FAT3: variants seen among roughly 807,000 people sequenced by gnomAD.
FAT3 encodes FAT atypical cadherin 3, also known as protocadherin Fat 3.
In FAT3, 95 loss-of-function variants were observed where a neutral mutation model predicts 310.2. That is an observed-to-expected ratio of 0.31 (90% CI 0.26 to 0.36). The LOEUF is 0.36. FAT3 is among the 10% of genes least tolerant of loss of function. The pLI is 1.00. For synonymous variants in FAT3, 2,314 were observed against 2,192.9 expected (o/e 1.06, Z -1.54); for missense variants, 5,408 against 5,715.6 (o/e 0.95, Z 1.74).
chr11:92,633,105 C>CTATGACA (rs1467454120), intron 3 of FAT3, among the ~76,000 whole-genome samples: 1 of 152,154 alleles, frequency 6.6e-6, no homozygotes, highest in Non-Finnish European at 1.5e-5. Context: ...CTCTAATGCT[C>CTATGACA]TATGACATAG....
chr11:92,784,337 A>G (rs758071297), intron 7 of FAT3, among the ~76,000 whole-genome samples: 6 of 152,268 alleles, frequency 3.9e-5, no homozygotes, highest in Non-Finnish European at 5.9e-5. Flanking sequence ...TGAAATCACA[A>G]CTATAGAATG....
intron 6 of FAT3, among the ~76,000 whole-genome samples, chr11:92,765,323 G>A (rs375948189): frequency 6.6e-6 from 1 of 152,126 alleles, no homozygotes; most frequent in Admixed American, 6.5e-5. Context: ...TCCATAGTAC[G>A]TTATTTACTG....
chr11:92,372,723 C>T (rs957279611), intron 2 of FAT3, among the ~76,000 whole-genome samples: 5 of 151,954 alleles, frequency 3.3e-5, no homozygotes, highest in Non-Finnish European at 5.9e-5. Flanking sequence ...TGCAGTGGCG[C>T]GATCTCGGCT....
rs1414738206 is a variant in FAT3 at position 92,887,012 on chromosome 11, AT to A, written c.12951del (p.Asp4317GlufsTer6). ...ACTGTCCATGAAGACAAAGGGGTTG[AT>A]GACCCGGGAGAAGTGACCTGCTTTG... is the stretch of plus-strand genomic sequence containing the variant. ...WDAGTENKGV[D>X]DPGEVTCFAG... On this transcript the variant is annotated frameshift_variant, in exon 25 of 28. Transcript: ENST00000525166. LOFTEE classifies it high-confidence loss of function. The A allele has an allele frequency of 6.2e-7, 1 of 1,605,296 alleles. No individual in the cohort carries two copies. Among genetic ancestry groups the A allele is most frequent in the East Asian group, 2.2e-5 (1 of 44,782 alleles).
intron 1 of FAT3, among the ~76,000 whole-genome samples, chr11:92,259,327 A>C (rs1193343334): frequency 6.6e-6 from 1 of 152,068 alleles, no homozygotes; most frequent in Non-Finnish European, 1.5e-5. Context: ...AAGCGGAAAA[A>C]CACAATTTAA....
chr11:92,445,689 T>G (rs908366458), intron 2 of FAT3, among the ~76,000 whole-genome samples: 8 of 152,172 alleles, frequency 5.3e-5, no homozygotes, highest in African/African-American at 1.9e-4. Context: ...GTATGCATTG[T>G]CTTCAACAAG....
chr11:92,288,796 C>A (rs2134387090), intron 1 of FAT3, among the ~76,000 whole-genome samples: 1 of 152,274 alleles, frequency 6.6e-6, no homozygotes, highest in South Asian at 2.1e-4. Context: ...ATTCAAAAAA[C>A]ATTGCTAAAA....
chr11:92,805,164 C>G lies in FAT3; in HGVS notation c.8908C>G (p.Arg2970Gly), dbSNP rs563792009. The G allele has an allele frequency of 1.9e-6, 3 of 1,609,564 alleles. No individual in the cohort carries two copies. Among genetic ancestry groups the G allele is most frequent in the African/African-American group, 1.3e-5 (1 of 74,894 alleles). The change falls in exon 11 of 28, where the codon CGA (arginine) becomes GGA (glycine). Residue 2970 changes from arginine (R) to glycine (G), a missense_variant. Around this residue, in one of 5 missense-constraint regions of FAT3, gnomAD observed 4,588 missense variants for 4,809.8 expected, o/e 0.95. Coordinates refer to ENST00000525166, the MANE Select transcript of FAT3 (RefSeq NM_001367949.2). ...TTTTTTAACTGCAGGAGGAAACCCT[C>G]GAGGAAGGTTTGCTCTGGGCCTGGT... ...VSYHITGGNP[R>G]GRFALGLVQS... is the part of the protein sequence containing the mutation.
At chr11:92,381,517 A>G (rs1949495179) in intron 2 of FAT3, among the ~76,000 whole-genome samples, 1 of 152,058 alleles carries the variant, frequency 6.6e-6, no homozygotes. Context: ...TTTTTTCACC[A>G]CTTTTTTTTC....
chr11:92,607,315 A>C, intron 3 of FAT3, among the ~76,000 whole-genome samples: 1 of 149,672 alleles, frequency 6.7e-6, no homozygotes, highest in Admixed American at 6.6e-5. Context: ...AGACTAAGGA[A>C]GGGGGGTGGG....
At chr11:92,385,874 C>T (rs558144728) in intron 2 of FAT3, among the ~76,000 whole-genome samples, 17 of 152,198 alleles carry the variant, frequency 1.1e-4, no homozygotes, top group Non-Finnish European at 2.4e-4. Context: ...TGGTCAGGTG[C>T]AGTGGCTCAG....
At chr11:92,694,614 C>T (rs960514949) in intron 3 of FAT3, among the ~76,000 whole-genome samples, 1 of 152,194 alleles carries the variant, frequency 6.6e-6, no homozygotes, top group East Asian at 1.9e-4. Flanking sequence ...CTTCCCTGTG[C>T]ACAGCCACAC....
intron 2 of FAT3, among the ~76,000 whole-genome samples, chr11:92,492,491 G>T (rs1476915191): frequency 6.6e-6 from 1 of 152,078 alleles, no homozygotes; most frequent in Non-Finnish European, 1.5e-5. Context: ...AAACAGTGAT[G>T]TATTAGTAGT....
At chr11:92,556,990 T>C (rs1379569748) in intron 3 of FAT3, among the ~76,000 whole-genome samples, 4 of 152,134 alleles carry the variant, frequency 2.6e-5, no homozygotes, top group Non-Finnish European at 1.5e-5. Context: ...GTTGAATTCA[T>C]ATCAACTCAT....
Position 92,844,531 on chromosome 11 carries a change from C to G in FAT3, c.11164C>G (p.Leu3722Val), listed in dbSNP as rs1948637634. The G allele has an allele frequency of 6.2e-7, 1 of 1,613,912 alleles. No individual in the cohort carries two copies. Among genetic ancestry groups the G allele is most frequent in the Non-Finnish European group, 8.5e-7 (1 of 1,179,904 alleles). ...FYKPAYLIQK[L>V]SNARRHLENI... ...CAAGCCAGCCTACCTGATCCAGAAG[C>G]TGTCCAATGCTAGAAGACACCTGGA... Residue 3722 changes from leucine to valine, a missense_variant, in exon 19 of 28, where the codon CTG becomes GTG. By Grantham distance (32) the Leu-to-Val change is conservative (BLOSUM62 1). Around this residue, in one of 5 missense-constraint regions of FAT3, gnomAD observed 4,588 missense variants for 4,809.8 expected, o/e 0.95. Coordinates refer to ENST00000525166, the MANE Select transcript of FAT3 (RefSeq NM_001367949.2).
At chr11:92,361,607 G>C (rs1948884557) in intron 2 of FAT3, among the ~76,000 whole-genome samples, 1 of 152,222 alleles carries the variant, frequency 6.6e-6, no homozygotes, top group East Asian at 1.9e-4. Flanking sequence ...GGACTTCCCA[G>C]CTTCTAGAAC....
intron 2 of FAT3, among the ~76,000 whole-genome samples, chr11:92,487,971 A>G (rs964443512): frequency 6.6e-6 from 1 of 152,178 alleles, no homozygotes; most frequent in African/African-American, 2.4e-5. Context: ...TCTCTTGTGC[A>G]AGGGATCTGT....
chr11:92,721,178 C>T (rs1944847913), intron 4 of FAT3, among the ~76,000 whole-genome samples: 1 of 152,146 alleles, frequency 6.6e-6, no homozygotes, highest in African/African-American at 2.4e-5. Flanking sequence ...ATGTACACTG[C>T]CTGTGTTGCA....
intron 13 of FAT3, among the ~76,000 whole-genome samples, chr11:92,826,135 A>G (rs1353410749): frequency 6.6e-6 from 1 of 152,216 alleles, no homozygotes; most frequent in African/African-American, 2.4e-5. Context: ...TGGAAGTGTC[A>G]TAGCCTGTGT....
Sources: allele counts gnomAD v4.1 joint callset (sites outside exome capture counted in the v4.1 genomes callset), GRCh38; gene constraint gnomAD v4.1.1; regional missense constraint gnomAD v4.1.1; transcripts MANE v1.5; gene names NCBI Gene and HGNC (gene_info 2026-07-23, HGNC 2026-07-21).